TARBP2: variants seen among roughly 807,000 people sequenced by gnomAD.
TARBP2 encodes RISC-loading complex subunit TARBP2.
In TARBP2, 23 loss-of-function variants were observed where a neutral mutation model predicts 40.4. The observed-to-expected ratio is 0.57, with a 90% CI of 0.41 to 0.81. The LOEUF (loss-of-function observed/expected upper bound fraction) is 0.81. Ranked by LOEUF, TARBP2 falls within the 30% of genes least tolerant of loss-of-function variation. TARBP2 has a pLI of 0.00. For missense variants in TARBP2, 358 were observed against 473.7 expected, an observed-to-expected ratio of 0.76 and a Z score of 2.27; for synonymous variants, 183 against 190.5, an observed-to-expected ratio of 0.96 and a Z score of 0.32.
chr12:53,501,620 T>C (rs1943713004), intron 1 of TARBP2, 159 bp downstream of exon 1: 3 of 1,464,372 alleles, frequency 2.0e-6, no homozygotes, highest in Non-Finnish European at 1.8e-6. Context: ...CAGTGGCTGC[T>C]GCCTCCAGCT....
chr12:53,503,061 G>T lies in TARBP2; in HGVS notation c.258G>T (p.Lys86Asn), dbSNP rs1423213318. Residue 86 changes from lysine (K) to asparagine (N), a missense_variant, in exon 3 of 9, where the codon AAG becomes AAT. By Grantham distance (94) the Lys-to-Asn change is moderately conservative. Coordinates refer to ENST00000266987, the MANE Select transcript of TARBP2 (RefSeq NM_134323.2). The part of the protein sequence containing the change: ...QGPSKKAAKH[K>N]AAEVALKHLK... ...CCAGCAAGAAGGCAGCCAAGCACAA[G>T]GCAGCTGAGGTGGCCCTCAAACACC... 1.9e-6 allele frequency: 3 copies of T among 1,551,158 alleles called. No individual in the cohort carries two copies. The Admixed American group carries it at 5.9e-5, about 30-fold the overall frequency.
chr12:53,504,608 CT>C (rs755033630), intron 5 of TARBP2, 89 bp from the exon 6 acceptor site: 24 of 1,612,088 alleles, frequency 1.5e-5, no homozygotes, highest in Non-Finnish European at 2.0e-5. Context: ...TTCCTCTCAC[CT>C]AGAGTCTGAG....
At chr12:53,501,817 T>TC (rs5798267) in intron 1 of TARBP2, 198 bp from the exon 2 acceptor site, 166,581 of 1,304,590 alleles carry the variant, frequency 0.13, 11,646 homozygotes, top group Admixed American at 0.22. Flanking sequence ...AATGCATTCT[T>TC]CCCCCCTTGC....
At position 53,505,580 on chromosome 12, in the gene TARBP2, G is replaced by C; in HGVS notation, c.742-69G>C. ...TCTTTGTGCTTTGTTCTCCTTTGAC[G>C]TTGAATGTCTCAATGCCTGGGTCCC... On this transcript the variant is annotated intron_variant, in intron 7 of 8. Transcript: ENST00000266987. The surrounding 1 kb of genome is among the most constrained non-coding windows in gnomAD (Gnocchi z 4.5). 2 of 1,471,916 alleles carry C rather than the reference G, an allele frequency of 1.4e-6. No individual in the cohort carries two copies. Among genetic ancestry groups the C allele is most frequent in the South Asian group, 2.3e-5 (2 of 87,180 alleles). The allele number at this position is 1,471,916 out of a possible 1,614,324, so 91.2% of individuals were successfully genotyped here.
chr12:53,504,222 A>G, intron 4 of TARBP2, 175 bp from the exon 5 acceptor site: 1 of 612,188 alleles, frequency 1.6e-6, no homozygotes, highest in Non-Finnish European at 2.8e-6. Flanking sequence ...TGGGAGGGGG[A>G]AGGAAGCCGG....
In TARBP2 at chr12:53,506,420, G is replaced by A. The variant is rs1943990384; in HGVS notation, c.*272G>A. ...GAGCCTGGAATAAATATGCTGCTTTGTGGATTTTTAAGCCCTTCTCTTCTG... is the reference window on the plus strand; with the variant it reads ...GAGCCTGGAATAAATATGCTGCTTTATGGATTTTTAAGCCCTTCTCTTCTG... On this transcript the variant is annotated 3_prime_UTR_variant, in exon 9 of 9. Transcript: ENST00000266987. 6 of 521,766 alleles carry A rather than the reference G, an allele frequency of 1.1e-5. No homozygotes were observed. Among genetic ancestry groups the A allele is most frequent in the Admixed American group, 3.4e-5 (1 of 29,464 alleles). 32.3% of individuals were successfully genotyped at this position (521,766 alleles called of 1,614,324 possible).
In TARBP2 at chr12:53,502,114, C is replaced by T; in HGVS notation, c.153C>T (p.Leu51=). 6.2e-7 allele frequency: 1 copy of T among 1,614,212 alleles called. No individual in the cohort carries two copies. Among genetic ancestry groups the T allele is most frequent in the Non-Finnish European group, 8.5e-7 (1 of 1,180,040 alleles). Residue 51 remains leucine, a synonymous_variant, in exon 2 of 9, where the codon CTC becomes CTT. Transcript: ENST00000266987. ...RIGKTPVYDL[L]KAEGQAHQPN... is the part of the protein sequence containing the mutation. ...GGAAGACGCCTGTGTACGACCTTCT[C>T]AAAGCCGAGGGCCAAGCCCACCAGC...
At chr12:53,502,968 G>T in intron 2 of TARBP2, 59 bp from the exon 3 acceptor site, 1 of 1,493,478 alleles carries the variant, frequency 6.7e-7, no homozygotes, top group South Asian at 1.3e-5. Flanking sequence ...GCTGTGGGAT[G>T]CTGGTTTCTT....
In TARBP2 at chr12:53,505,199, C is replaced by T. The variant is rs146166955; in HGVS notation, c.678C>T (p.His226=). ...NAAAKMLLRV[H]TVPLDARDGN... is the part of the protein sequence containing the mutation. ...CGGCCAAAATGCTGCTTCGAGTGCA[C>T]ACGGTGCCTCTGGATGCCCGGGATG... The change falls in exon 7 of 9, where the codon CAC becomes CAT. Residue 226 remains histidine (H), a synonymous_variant. Transcript: ENST00000266987. The surrounding 1 kb of genome is among the most constrained non-coding windows in gnomAD (Gnocchi z 4.5). 673 of 1,611,192 alleles carry T rather than the reference C, an allele frequency of 4.2e-4. No individual in the cohort carries two copies. Among genetic ancestry groups the T allele is most frequent in the Non-Finnish European group, 5.4e-4 (631 of 1,177,648 alleles).
Position 53,503,016 on chromosome 12 carries a change from C to T in TARBP2, c.224-11C>T. ...AGTGACCTCCAGTATTGCCCATGCC[C>T]CCTCTCTCAGGTCAGGGCCCCAGCA... is the stretch of plus-strand genomic sequence containing the variant. On this transcript the variant is annotated splice_polypyrimidine_tract_variant and intron_variant, in intron 2 of 8. Transcript: ENST00000266987. 1 of 1,547,416 alleles carries T rather than the reference C, an allele frequency of 6.5e-7. No homozygotes were observed.
In TARBP2 at chr12:53,502,053, C is replaced by T. The variant is rs372439760; in HGVS notation, c.92C>T (p.Pro31Leu). The change falls in exon 2 of 9, where the codon CCG (proline) becomes CTG (leucine). Residue 31 changes from proline to leucine, a missense_variant. Physicochemically the swap from Pro to Leu is moderately conservative, Grantham distance 98 (BLOSUM62 -3). Transcript: ENST00000266987. ...CTGGCCGCCAACCCAGGCAAGACCC[C>T]GATCAGCCTTCTGCAGGAGTATGGG... ...QMLAANPGKT[P>L]ISLLQEYGTR... 1.9e-6 allele frequency: 3 copies of T among 1,614,066 alleles called. No homozygotes were observed. Among genetic ancestry groups the T allele is most frequent in the African/African-American group, 1.3e-5 (1 of 74,924 alleles).
rs569394289 is a variant in TARBP2 at position 53,502,369 on chromosome 12, G to A, written c.223+185G>A. On this transcript the variant is annotated intron_variant, in intron 2 of 8. Transcript: ENST00000266987. ...GTAAGAAGGTGGGTAGGACGTGGGAGAGTTAGAGGAGCGAGCAGGACTCCC... is the reference window on the plus strand; with the variant it reads ...GTAAGAAGGTGGGTAGGACGTGGGAAAGTTAGAGGAGCGAGCAGGACTCCC... 320 of 724,702 alleles carry A rather than the reference G, an allele frequency of 4.4e-4. 1 individual carries two copies. The South Asian group carries it at 5.7e-3, about 13-fold the overall frequency. The allele number at this position is 724,702 out of a possible 1,614,324, so 44.9% of individuals were successfully genotyped here.
In TARBP2 at chr12:53,506,104, C is replaced by T. The variant is rs535268850; in HGVS notation, c.1057C>T (p.Arg353Cys). ...TREAARGEAA[R>C]RALQYLKIMA... ...GGAGGCAGCCCGTGGTGAGGCTGCC[C>T]GCCGTGCCCTGCAGTACCTCAAGAT... Residue 353 changes from arginine to cysteine, a missense_variant, in exon 9 of 9, where the codon CGC becomes TGC. Physicochemically the swap from Arg to Cys is radical, Grantham distance 180 (BLOSUM62 -3). This residue lies in a region of TARBP2 where 317 missense variants were observed against 422.9 expected (regional missense o/e 0.75). Transcript: ENST00000266987. 6.8e-6 allele frequency: 11 copies of T among 1,613,930 alleles called. No individual in the cohort carries two copies. In the East Asian group the frequency reaches 1.1e-4, roughly 16 times the overall value.
In TARBP2 at chr12:53,501,450, C is replaced by G. The variant is rs371506572; in HGVS notation, c.42C>G (p.Cys14Trp). 7.6e-6 allele frequency: 12 copies of G among 1,568,974 alleles called. No individual in the cohort carries two copies. Among genetic ancestry groups the G allele is most frequent in the Non-Finnish European group, 1.0e-5 (12 of 1,156,894 alleles). ...AAGGCTCCGGCACTACCACGGGCTG[C>G]GGGCTGCCTAGGTGAGCCGTCTCGT... ...EEQGSGTTTG[C>W]GLPSIEQMLA... The change falls in exon 1 of 9, where the codon TGC (cysteine) becomes TGG (tryptophan). Residue 14 changes from cysteine (C) to tryptophan (W), a missense_variant. By Grantham distance (215) the Cys-to-Trp change is radical. Around this residue, in one of 3 missense-constraint regions of TARBP2, gnomAD observed 32 missense variants for 21.6 expected, o/e 1.48. Coordinates refer to ENST00000266987, the MANE Select transcript of TARBP2 (RefSeq NM_134323.2).
intron 2 of TARBP2, chr12:53,502,559 T>C: frequency 3.7e-6 from 1 of 267,560 alleles, no homozygotes; most frequent in East Asian, 9.8e-5. Flanking sequence ...CCAATGATTG[T>C]AGGTGGTAGT....
chr12:53,504,204 C>T, intron 4 of TARBP2, 193 bp from the exon 5 acceptor site: 1 of 584,618 alleles, frequency 1.7e-6, no homozygotes, highest in Non-Finnish European at 3.0e-6. Flanking sequence ...GAGAAGGCCT[C>T]CCTTGAGTGG....
chr12:53,502,066 G>T lies in TARBP2; in HGVS notation c.105G>T (p.Leu35=), dbSNP rs1943738730. Residue 35 remains leucine, a synonymous_variant, in exon 2 of 9, where the codon CTG becomes CTT. Transcript: ENST00000266987. ...ANPGKTPISL[L]QEYGTRIGKT... ...CAGGCAAGACCCCGATCAGCCTTCT[G>T]CAGGAGTATGGGACCAGAATAGGGA... 9 of 1,614,120 alleles carry T rather than the reference G, an allele frequency of 5.6e-6. No homozygotes were observed. The South Asian group carries it at 6.6e-5, about 12-fold the overall frequency.
chr12:53,501,669 T>C (rs1943716517), intron 1 of TARBP2: 1 of 1,441,308 alleles, frequency 6.9e-7, no homozygotes, highest in Non-Finnish European at 9.1e-7. Flanking sequence ...CAGACTGCAC[T>C]GGAACACTGG....
rs566018443 is a variant in TARBP2 at position 53,501,822 on chromosome 12, C to T, written c.54-193C>T. ...AGGCAGGAGCAATGCATTCTTCCCC[C>T]CTTGCTTTGGGGTAGTGGGCCCTAC... On this transcript the variant is annotated intron_variant, in intron 1 of 8. Coordinates refer to ENST00000266987, the MANE Select transcript of TARBP2 (RefSeq NM_134323.2). The T allele has an allele frequency of 3.2e-4, 419 of 1,318,692 alleles. No individual in the cohort carries two copies. The African/African-American group carries it at 5.8e-3, about 18-fold the overall frequency. The allele number at this position is 1,318,692 out of a possible 1,614,324, so 81.7% of individuals were successfully genotyped here.
Sources: allele counts gnomAD v4.1 joint callset, GRCh38; gene constraint gnomAD v4.1.1; regional missense constraint gnomAD v4.1.1; non-coding constraint Gnocchi (gnomAD v3.1); transcripts MANE v1.5; gene names NCBI Gene and HGNC (gene_info 2026-07-23, HGNC 2026-07-21).